The following PLCB4 variants were observed in gnomAD, a reference collection of about 807,000 sequenced individuals.
PLCB4 encodes 1-phosphatidylinositol 4,5-bisphosphate phosphodiesterase beta-4.
In PLCB4, 77 loss-of-function variants were observed where a neutral mutation model predicts 178.8. That is an observed-to-expected ratio of 0.43 (90% confidence interval 0.36 to 0.52). PLCB4 has a LOEUF of 0.52. Among genes scored for constraint, PLCB4 ranks in the 20% least tolerant of loss-of-function variants. The pLI, the probability that PLCB4 is intolerant of heterozygous loss-of-function variation, is 0.00. For missense variants in PLCB4, 1,024 were observed against 1,453.4 expected, an observed-to-expected ratio of 0.70 and a Z score of 4.80; for synonymous variants, 496 against 490.8, an observed-to-expected ratio of 1.01 and a Z score of -0.14.
chr20:9,204,012 C>T (rs1328420261), intron 2 of PLCB4, among the ~76,000 whole-genome samples: 3 of 151,848 alleles, frequency 2.0e-5, no homozygotes, highest in Admixed American at 6.6e-5. Flanking sequence ...TCCCCCATGA[C>T]TGCCTTTAGA....
At chr20:9,122,691 G>A (rs2091998432) in intron 2 of PLCB4, among the ~76,000 whole-genome samples, 1 of 152,124 alleles carries the variant, frequency 6.6e-6, no homozygotes, top group Admixed American at 6.6e-5. Context: ...TGTAAAGAAA[G>A]GACCAATTTT....
chr20:9,283,846 T>A (rs2147712878), intron 3 of PLCB4, among the ~76,000 whole-genome samples: 1 of 152,074 alleles, frequency 6.6e-6, no homozygotes, highest in East Asian at 1.9e-4. Flanking sequence ...ATTCCCTTTC[T>A]ATTATATTTT....
chr20:9,228,522 G>C (rs568659879), intron 3 of PLCB4, among the ~76,000 whole-genome samples: 34 of 152,258 alleles, frequency 2.2e-4, no homozygotes, highest in Non-Finnish European at 4.9e-4. Context: ...GAAGCTGAGA[G>C]ATTGTTCCTG....
intron 2 of PLCB4, among the ~76,000 whole-genome samples, chr20:9,108,180 G>A (rs1241916628): frequency 1.3e-5 from 2 of 152,166 alleles, no homozygotes; most frequent in African/African-American, 4.8e-5. Context: ...CCAGGAGTTA[G>A]TTGGATATTA....
At chr20:9,256,613 C>T (rs980663460) in intron 3 of PLCB4, among the ~76,000 whole-genome samples, 5 of 152,192 alleles carry the variant, frequency 3.3e-5, no homozygotes, top group African/African-American at 1.2e-4. Context: ...TCTGCTGAGG[C>T]ATCTGTTCTT....
intron 7 of PLCB4, among the ~76,000 whole-genome samples, chr20:9,356,757 A>G (rs934608163): frequency 3.3e-5 from 5 of 152,216 alleles, no homozygotes; most frequent in Non-Finnish European, 7.3e-5. Flanking sequence ...TGATGGATAG[A>G]GCAATTTAGG....
intron 2 of PLCB4, among the ~76,000 whole-genome samples, chr20:9,123,267 C>G (rs2092016946): frequency 6.6e-6 from 1 of 151,984 alleles, no homozygotes; most frequent in Non-Finnish European, 1.5e-5. Context: ...TAGTATTTGC[C>G]TTTGAAAATC....
chr20:9,351,947 A>G (rs1277820357), intron 7 of PLCB4, among the ~76,000 whole-genome samples: 8 of 152,332 alleles, frequency 5.3e-5, no homozygotes, highest in Admixed American at 3.3e-4. Context: ...ACACCTTTTA[A>G]TTCACCAGCT....
chr20:9,202,267 G>C (rs890911038), intron 2 of PLCB4, among the ~76,000 whole-genome samples: 1 of 152,196 alleles, frequency 6.6e-6, no homozygotes, highest in Non-Finnish European at 1.5e-5. Flanking sequence ...GAGTTTTGAA[G>C]TAATAGAATT....
chr20:9,146,381 T>C (rs1409945103), intron 2 of PLCB4, among the ~76,000 whole-genome samples: 1 of 152,096 alleles, frequency 6.6e-6, no homozygotes, highest in Non-Finnish European at 1.5e-5. Context: ...GGATAGCATG[T>C]ACACACAAGA....
intron 38 of PLCB4, among the ~76,000 whole-genome samples, chr20:9,476,169 G>T (rs2044530234): frequency 6.6e-6 from 1 of 152,136 alleles, no homozygotes; most frequent in Admixed American, 6.5e-5. Context: ...GTATGTTTTG[G>T]TCCTGATTCT....
At chr20:9,298,595 A>G (rs955878002) in intron 3 of PLCB4, among the ~76,000 whole-genome samples, 3 of 152,120 alleles carry the variant, frequency 2.0e-5, no homozygotes, top group African/African-American at 4.8e-5. Context: ...ACATTTATAA[A>G]CCTGGATCTT....
intron 4 of PLCB4, among the ~76,000 whole-genome samples, chr20:9,322,336 A>G (rs878868802): frequency 1.3e-5 from 2 of 152,328 alleles, no homozygotes; most frequent in East Asian, 1.9e-4. Flanking sequence ...TTTTCTTTCA[A>G]TTGATGGACA....
At chr20:9,194,016 A>T (rs941459401) in intron 2 of PLCB4, among the ~76,000 whole-genome samples, 1 of 152,116 alleles carries the variant, frequency 6.6e-6, no homozygotes, top group African/African-American at 2.4e-5. Context: ...TTTTTAAAAA[A>T]AATTGGAAGC....
chr20:9,230,206 A>G (rs2093916987), intron 3 of PLCB4, among the ~76,000 whole-genome samples: 1 of 152,092 alleles, frequency 6.6e-6, no homozygotes, highest in Admixed American at 6.6e-5. Flanking sequence ...CACCAATCAC[A>G]CTGGATTTGG....
chr20:9,244,695 G>A (rs2147439285), intron 3 of PLCB4, among the ~76,000 whole-genome samples: 1 of 152,164 alleles, frequency 6.6e-6, no homozygotes, highest in Non-Finnish European at 1.5e-5. Context: ...GACTTTTTTT[G>A]TTGTTTTGCT....
At chr20:9,245,719 G>A (rs1041642016) in intron 3 of PLCB4, among the ~76,000 whole-genome samples, 1 of 145,836 alleles carries the variant, frequency 6.9e-6, no homozygotes, top group Middle Eastern at 3.5e-3. Context: ...GAACCAAGAG[G>A]CAATAAATAT....
intron 1 of PLCB4, among the ~76,000 whole-genome samples, chr20:9,070,341 T>C (rs1170135469): frequency 6.6e-6 from 1 of 152,162 alleles, no homozygotes; most frequent in Non-Finnish European, 1.5e-5. Flanking sequence ...ATTTTAACTT[T>C]ATTCTTTTAT....
intron 35 of PLCB4, among the ~76,000 whole-genome samples, chr20:9,461,716 A>G (rs1228043678): frequency 1.3e-5 from 2 of 152,128 alleles, no homozygotes; most frequent in African/African-American, 2.4e-5. Flanking sequence ...AGCGTCCACC[A>G]TTGCTGAGGC....
Sources: gnomAD v4.1 joint callset for allele counts (sites outside exome capture counted in the v4.1 genomes callset) on GRCh38, gnomAD v4.1.1 for gene constraint, MANE v1.5 for transcripts, NCBI Gene and HGNC (gene_info 2026-07-23, HGNC 2026-07-21) for gene names.